BMPER: variants seen among roughly 807,000 people sequenced by gnomAD.
BMPER encodes the protein BMP binding endothelial regulator.
BMPER carries 45 observed loss-of-function variants against 87.3 expected under a neutral mutation model. That is an observed-to-expected ratio of 0.52 (90% confidence interval 0.41 to 0.66). BMPER has a LOEUF of 0.66. BMPER is among the 30% of genes least tolerant of loss of function. The pLI, the probability that BMPER is intolerant of heterozygous loss-of-function variation, is 0.00. For missense variants in BMPER, 784 were observed against 867.5 expected (o/e 0.90, Z 1.21); for synonymous variants, 326 against 316.2 (o/e 1.03, Z -0.33).
chr7:33,984,475 A>G (rs1159725067), intron 6 of BMPER, among the ~76,000 whole-genome samples: 1 of 152,004 alleles, frequency 6.6e-6, no homozygotes, highest in African/African-American at 2.4e-5. Context: ...AAAAAAAAAA[A>G]GTGCTTATCC....
intron 8 of BMPER, 72 bp downstream of exon 8, chr7:34,052,042 A>G: frequency 3.1e-6 from 4 of 1,293,090 alleles, no homozygotes; most frequent in Non-Finnish European, 4.5e-6. Context: ...TCACAGCCAT[A>G]GCCAAAGCCA....
chr7:33,971,568 TC>T (rs1401919731), intron 5 of BMPER, among the ~76,000 whole-genome samples: 1 of 152,208 alleles, frequency 6.6e-6, no homozygotes, highest in African/African-American at 2.4e-5. Flanking sequence ...AGTGCTTTTC[TC>T]TCTGAATGCT....
intron 7 of BMPER, among the ~76,000 whole-genome samples, chr7:34,051,278 C>G (rs543555241): frequency 6.6e-6 from 1 of 152,286 alleles, no homozygotes; most frequent in Non-Finnish European, 1.5e-5. Flanking sequence ...TGTGGAGACA[C>G]AAATGTTCAA....
At chr7:33,978,667 T>G (rs1785758103) in intron 6 of BMPER, among the ~76,000 whole-genome samples, 1 of 152,192 alleles carries the variant, frequency 6.6e-6, no homozygotes, top group Non-Finnish European at 1.5e-5. Flanking sequence ...CTTCTCAACT[T>G]ACGGTGGAGT....
intron 4 of BMPER, among the ~76,000 whole-genome samples, chr7:33,968,302 C>T (rs763008586): frequency 3.9e-5 from 6 of 152,220 alleles, no homozygotes; most frequent in Non-Finnish European, 7.3e-5. Flanking sequence ...AAGGGACCTA[C>T]CAAAGGCTGC....
At chr7:33,996,352 A>AT (rs1167049551) in intron 6 of BMPER, among the ~76,000 whole-genome samples, 3 of 151,972 alleles carry the variant, frequency 2.0e-5, no homozygotes, top group Admixed American at 6.6e-5. Flanking sequence ...TAGCTGTCGT[A>AT]TTTTTTTATG....
chr7:34,061,896 C>A, intron 10 of BMPER, 106 bp from the exon 11 acceptor site: 2 of 949,394 alleles, frequency 2.1e-6, no homozygotes, highest in Admixed American at 2.5e-5. Context: ...GGACTGATTT[C>A]ATTGGTTTAT....
chr7:34,054,630 G>C (rs1788234767), intron 8 of BMPER, among the ~76,000 whole-genome samples: 1 of 152,236 alleles, frequency 6.6e-6, no homozygotes. Flanking sequence ...CCCAGGTCCA[G>C]TTTTGAAACT....
At chr7:34,034,184 C>T (rs115394890) in intron 6 of BMPER, among the ~76,000 whole-genome samples, 11 of 152,282 alleles carry the variant, frequency 7.2e-5, no homozygotes, top group African/African-American at 2.6e-4. Flanking sequence ...CTGAACCTGG[C>T]CTAATATTAT....
At chr7:34,111,489 A>G (rs986019364) in intron 13 of BMPER, among the ~76,000 whole-genome samples, 7 of 152,224 alleles carry the variant, frequency 4.6e-5, no homozygotes, top group African/African-American at 1.7e-4. Flanking sequence ...TGGGTGGTCT[A>G]TGGAAAATAA....
chr7:33,918,033 G>C (rs1020279472), intron 2 of BMPER, among the ~76,000 whole-genome samples: 1 of 152,080 alleles, frequency 6.6e-6, no homozygotes, highest in African/African-American at 2.4e-5. Flanking sequence ...TGTAGAGACA[G>C]GGTCTCACTA....
chr7:34,049,958 C>G (rs1158431951), intron 7 of BMPER, among the ~76,000 whole-genome samples: 1 of 152,128 alleles, frequency 6.6e-6, no homozygotes, highest in African/African-American at 2.4e-5. Context: ...TGCAATTAGA[C>G]AGAAGTGATT....
At chr7:34,054,254 A>G (rs1035030099) in intron 8 of BMPER, among the ~76,000 whole-genome samples, 1 of 152,148 alleles carries the variant, frequency 6.6e-6, no homozygotes, top group Non-Finnish European at 1.5e-5. Context: ...GTCTAATGAT[A>G]TGTACATAAA....
At chr7:33,924,452 C>T (rs965565270) in intron 2 of BMPER, among the ~76,000 whole-genome samples, 2 of 152,200 alleles carry the variant, frequency 1.3e-5, no homozygotes, top group Non-Finnish European at 2.9e-5. Context: ...CCATCTTGGC[C>T]TCAGCTCCCA....
intron 10 of BMPER, among the ~76,000 whole-genome samples, chr7:34,061,458 A>C (rs1788433370): frequency 6.6e-6 from 1 of 152,250 alleles, no homozygotes. Context: ...CATGGATAAC[A>C]TACCATTTTC....
intron 6 of BMPER, among the ~76,000 whole-genome samples, chr7:33,976,124 C>A (rs2127912709): frequency 6.6e-6 from 1 of 152,180 alleles, no homozygotes; most frequent in Middle Eastern, 3.4e-3. Flanking sequence ...TGTTCCTCTC[C>A]TGCTAATTAT....
At chr7:34,100,546 CTG>C (rs1231886237) in intron 13 of BMPER, among the ~76,000 whole-genome samples, 2 of 152,202 alleles carry the variant, frequency 1.3e-5, no homozygotes, top group African/African-American at 4.8e-5. Context: ...GCTTCCTGTG[CTG>C]TACTCTTCCA....
intron 13 of BMPER, among the ~76,000 whole-genome samples, chr7:34,138,535 A>G (rs1790781942): frequency 6.6e-6 from 1 of 152,198 alleles, no homozygotes; most frequent in Non-Finnish European, 1.5e-5. Flanking sequence ...ACAGAACAAG[A>G]GTCCTACCTG....
intron 6 of BMPER, among the ~76,000 whole-genome samples, chr7:33,980,547 CA>C (rs1360811814): frequency 6.6e-6 from 1 of 152,138 alleles, no homozygotes; most frequent in African/African-American, 2.4e-5. Context: ...AACCTGTCTT[CA>C]ATGTTGTGAG....
Sources: allele counts gnomAD v4.1 joint callset (sites outside exome capture counted in the v4.1 genomes callset), GRCh38; gene constraint gnomAD v4.1.1; transcripts MANE v1.5; gene names NCBI Gene and HGNC (gene_info 2026-07-23, HGNC 2026-07-21).